The following RPTOR variants were observed in gnomAD, a reference collection of about 807,000 sequenced individuals.
RPTOR encodes regulatory associated protein of MTOR complex 1.
RPTOR carries 21 observed loss-of-function variants against 169.9 expected under a neutral mutation model. The observed-to-expected ratio is 0.12, with a 90% CI of 0.09 to 0.18. The LOEUF (loss-of-function observed/expected upper bound fraction) is 0.18. Ranked by LOEUF, RPTOR falls within the 10% of genes least tolerant of loss-of-function variation. The pLI, the probability that RPTOR is intolerant of heterozygous loss-of-function variation, is 1.00. For missense variants in RPTOR, 1,133 were observed against 1,855.9 expected (o/e 0.61, Z 7.16); for synonymous variants, 732 against 753.2 (o/e 0.97, Z 0.46).
chr17:80,683,374 C>T (rs938762090), intron 3 of RPTOR, among the ~76,000 whole-genome samples: 3 of 152,188 alleles, frequency 2.0e-5, no homozygotes, highest in South Asian at 2.1e-4. Flanking sequence ...CAGGTGCTGT[C>T]GGAGGTGCTG....
At chr17:80,583,009 A>G (rs1191437569) in intron 1 of RPTOR, among the ~76,000 whole-genome samples, 1 of 143,872 alleles carries the variant, frequency 7.0e-6, no homozygotes, top group Non-Finnish European at 1.5e-5. Flanking sequence ...TTCACCTCCC[A>G]GGTTCAAGCA....
intron 1 of RPTOR, among the ~76,000 whole-genome samples, chr17:80,547,425 G>A (rs769259166): frequency 2.0e-5 from 3 of 152,150 alleles, no homozygotes; most frequent in Non-Finnish European, 4.4e-5. Context: ...ATGGGTATAC[G>A]TTTGACCTTT....
rs1211795515 is a variant in RPTOR at position 80,820,403 on chromosome 17, C to T, written c.891-1798C>T. ...CACGATGCCCCCCGTGCCCCTTCTC[C>T]GTGCTGTTTCCTAGGGCTGTGTCCC... On this transcript the variant is annotated intron_variant, in intron 7 of 33. Coordinates refer to ENST00000306801, the MANE Select transcript of RPTOR (RefSeq NM_020761.3). The surrounding 1 kb of genome is among the most constrained non-coding windows in gnomAD (Gnocchi z 4.1). Among the ~76,000 whole-genome samples the T allele has an allele frequency of 2.0e-5, 3 of 152,334 alleles. No homozygotes were observed. The highest frequency in any genetic ancestry group is 1.9e-4 in the East Asian group (1 of 5,174).
chr17:80,585,914 TAA>T (rs2065056613), intron 1 of RPTOR, among the ~76,000 whole-genome samples: 1 of 152,178 alleles, frequency 6.6e-6, no homozygotes, highest in African/African-American at 2.4e-5. Context: ...CTTCCTTTTA[TAA>T]TTTAGGTATA....
chr17:80,811,419 G>A (rs1353414395), intron 7 of RPTOR, among the ~76,000 whole-genome samples: 1 of 152,156 alleles, frequency 6.6e-6, no homozygotes, highest in African/African-American at 2.4e-5. Flanking sequence ...GCATCCCTGT[G>A]GTAAACCCCA....
chr17:80,883,349 A>T, intron 14 of RPTOR, 70 bp from the exon 15 acceptor site: 1 of 1,345,574 alleles, frequency 7.4e-7, no homozygotes, highest in Non-Finnish European at 1.1e-6. Flanking sequence ...CGAAAGGATC[A>T]CGCTGTTGTA....
intron 20 of RPTOR, among the ~76,000 whole-genome samples, chr17:80,908,017 G>C (rs1488533636): frequency 6.6e-6 from 1 of 152,166 alleles, no homozygotes; most frequent in Admixed American, 6.6e-5. Flanking sequence ...CATCCTCTGG[G>C]CCTCACCTTC....
Position 80,892,829 on chromosome 17 carries a change from C to G in RPTOR, c.2202C>G (p.Ser734Arg). ...TCCGTGCTGTCGCCACAGCCAGGAGCCTCAACAAATCTTTGCAGAACCTGA... is the reference window on the plus strand; with the variant it reads ...TCCGTGCTGTCGCCACAGCCAGGAGGCTCAACAAATCTTTGCAGAACCTGA... ...GNIRAVATAR[S>R]LNKSLQNLSL... is the part of the protein sequence containing the mutation. Residue 734 changes from serine (S) to arginine (R), a missense_variant, in exon 19 of 34, where the codon AGC becomes AGG. Transcript: ENST00000306801. 1 of 1,614,216 alleles carries G rather than the reference C, an allele frequency of 6.2e-7. No individual in the cohort carries two copies. Among genetic ancestry groups the G allele is most frequent in the Non-Finnish European group, 8.5e-7 (1 of 1,180,036 alleles).
In RPTOR at chr17:80,876,564, A is replaced by T. The variant is rs578220644; in HGVS notation, c.1510-3851A>T. 2.2e-4 allele frequency among the ~76,000 whole-genome samples: 27 copies of T among 120,576 alleles called. 1 individual carries two copies. The highest frequency in any genetic ancestry group is 8.6e-4 in the African/African-American group (23 of 26,632). The allele number at this position is 120,576 out of a possible 152,430, so 79.1% of individuals were successfully genotyped here. On this transcript the variant is annotated intron_variant, in intron 13 of 33. Coordinates refer to ENST00000306801, the MANE Select transcript of RPTOR (RefSeq NM_020761.3). ...TCTTCCCACCGAGCCTGTGCCACGCAGGGTGTGTGTGTCGCCTGCCGGGTC... is the reference window on the plus strand; with the variant it reads ...TCTTCCCACCGAGCCTGTGCCACGCTGGGTGTGTGTGTCGCCTGCCGGGTC...
At chr17:80,730,000 G>C (rs543834342) in intron 4 of RPTOR, among the ~76,000 whole-genome samples, 1 of 152,236 alleles carries the variant, frequency 6.6e-6, no homozygotes, top group Admixed American at 6.5e-5. Context: ...TGAACCCAGC[G>C]GCAGCTGCGG....
intron 3 of RPTOR, among the ~76,000 whole-genome samples, chr17:80,685,861 C>T (rs1183556575): frequency 2.6e-5 from 4 of 151,124 alleles, no homozygotes; most frequent in South Asian, 4.2e-4. Flanking sequence ...GAGCAGCACT[C>T]GGAAATGCCC....
chr17:80,610,541 G>C (rs1261585618), intron 1 of RPTOR, among the ~76,000 whole-genome samples: 2 of 152,138 alleles, frequency 1.3e-5, no homozygotes, highest in African/African-American at 2.4e-5. Flanking sequence ...TAGGGACCCT[G>C]TGCTTGAGGA....
At chr17:80,771,945 T>TA (rs2066848011) in intron 6 of RPTOR, among the ~76,000 whole-genome samples, 1 of 152,310 alleles carries the variant, frequency 6.6e-6, no homozygotes, top group East Asian at 1.9e-4. Flanking sequence ...TCAGCCTCCC[T>TA]GGTAACTGGG....
At chr17:80,553,034 T>TTGGCCTTTTCCACTCTGTTGATACC (rs2084364402) in intron 1 of RPTOR, among the ~76,000 whole-genome samples, 1 of 152,214 alleles carries the variant, frequency 6.6e-6, no homozygotes, top group Non-Finnish European at 1.5e-5. Flanking sequence ...TGGAACACCA[T>TTGGCCTTTTCCACTCTGTTGATACC]TGGCCTTTTC....
At chr17:80,923,921 T>C (rs1272605108) in intron 23 of RPTOR, 1 of 524,110 alleles carries the variant, frequency 1.9e-6, no homozygotes, top group Admixed American at 3.7e-5. Context: ...CTGCACTCTT[T>C]AGGAGCACTG....
intron 1 of RPTOR, 55 bp from the exon 2 acceptor site, chr17:80,625,636 C>G: frequency 1.5e-6 from 2 of 1,344,102 alleles, no homozygotes; most frequent in South Asian, 2.3e-5. Flanking sequence ...TGGAAAAACA[C>G]ATAAACGAGT....
intron 3 of RPTOR, among the ~76,000 whole-genome samples, chr17:80,668,060 C>T (rs1024322411): frequency 3.9e-5 from 6 of 152,114 alleles, no homozygotes; most frequent in Non-Finnish European, 5.9e-5. Flanking sequence ...TGGTTTCAGG[C>T]GCGGGCATCT....
chr17:80,769,949 G>T (rs2143408537), intron 6 of RPTOR, among the ~76,000 whole-genome samples: 1 of 151,680 alleles, frequency 6.6e-6, no homozygotes, highest in East Asian at 1.9e-4. Flanking sequence ...TGCAGAGCCA[G>T]TCACACGGGG....
rs1398234986 is a variant in RPTOR at position 80,841,018 on chromosome 17, ACTCT to A, written c.1212+3026_1212+3029del. The stretch of plus-strand genomic sequence containing the variant: ...ACTCACTCTCACCACACGGCAGCTC[ACTCT>A]CTCTGCACCGCAGCTCACACTCACC... On this transcript the variant is annotated intron_variant, in intron 10 of 33. Coordinates refer to ENST00000306801, the MANE Select transcript of RPTOR (RefSeq NM_020761.3). Among the ~76,000 whole-genome samples, 5 of 6,318 alleles carry A rather than the reference ACTCT, an allele frequency of 7.9e-4. 1 individual carries two copies. The African/African-American group carries it at 0.011, about 13-fold the overall frequency. 4.1% of individuals were successfully genotyped at this position (6,318 alleles called of 152,430 possible).
Sources: gnomAD v4.1 joint callset for allele counts (sites outside exome capture counted in the v4.1 genomes callset) on GRCh38, gnomAD v4.1.1 for gene constraint, Gnocchi (gnomAD v3.1) non-coding constraint, MANE v1.5 for transcripts, NCBI Gene and HGNC (gene_info 2026-07-23, HGNC 2026-07-21) for gene names.